GNA12: variants seen among roughly 807,000 people sequenced by gnomAD.
GNA12 encodes the protein guanine nucleotide-binding protein subunit alpha-12.
GNA12 carries 9 observed loss-of-function variants against 26.0 expected under a neutral mutation model. The ratio of observed to expected loss-of-function variants is 0.35; its 90% CI spans 0.21 to 0.60. The LOEUF is 0.60. Among genes scored for constraint, GNA12 ranks in the 20% least tolerant of loss-of-function variants. The pLI is 0.78. For missense variants in GNA12, 405 were observed against 525.8 expected (o/e 0.77, Z 2.25); for synonymous variants, 264 against 219.6 (o/e 1.20, Z -1.79).
chr7:2,786,491 T>C (rs1442277806), intron 2 of GNA12, among the ~76,000 whole-genome samples: 2 of 152,176 alleles, frequency 1.3e-5, no homozygotes, highest in Non-Finnish European at 2.9e-5. Context: ...CCAATGATTA[T>C]GAAAAGTTCG....
At chr7:2,823,521 C>G (rs1307585186) in intron 1 of GNA12, among the ~76,000 whole-genome samples, 1 of 152,116 alleles carries the variant, frequency 6.6e-6, no homozygotes, top group Non-Finnish European at 1.5e-5. Context: ...AATAATAACC[C>G]TCTGCAGATT....
rs1229832201 is a variant in GNA12 at position 2,842,090 on chromosome 7, AAAGGAAGGAAAGG to A, written c.309+1750_309+1762del. Among the ~76,000 whole-genome samples the A allele has an allele frequency of 2.9e-3, 392 of 132,934 alleles. 4 individuals are homozygous for A. The highest frequency in any genetic ancestry group is 0.011 in the African/African-American group (387 of 36,460). The allele number at this position is 132,934 out of a possible 152,430, so 87.2% of individuals were successfully genotyped here. A position where few individuals can be genotyped will look rare whatever the true frequency, so the allele number is the denominator to read the frequency against. On this transcript the variant is annotated intron_variant, in intron 1 of 3. Coordinates refer to ENST00000275364, the MANE Select transcript of GNA12 (RefSeq NM_007353.3). ...AAGGAAGAAAAGGAAGGCGGGAAGG[AAAGGAAGGAAAGG>A]AAGGAAGGGAAGGGAGGAAGAAAAG...
At position 2,737,278 on chromosome 7, in the gene GNA12, T is replaced by G. The variant is rs1238771573; in HGVS notation, c.526-3777A>C. Among the ~76,000 whole-genome samples the G allele has an allele frequency of 5.6e-5, 4 of 71,598 alleles. 1 individual carries two copies. The highest frequency in any genetic ancestry group is 4.4e-4 in the Admixed American group (3 of 6,744). 47.0% of individuals were successfully genotyped at this position (71,598 alleles called of 152,430 possible). A position where few individuals can be genotyped will look rare whatever the true frequency, so the allele number is the denominator to read the frequency against. On this transcript the variant is annotated intron_variant, in intron 2 of 3. Transcript: ENST00000275364. ...GCTATCTCACAGTTTTGTTTTGTTTTTTTTTTTTTTGTTTTTTTTTTTTTT... is the reference window on the plus strand; with the variant it reads ...GCTATCTCACAGTTTTGTTTTGTTTGTTTTTTTTTTGTTTTTTTTTTTTTT...
At chr7:2,764,737 C>A (rs184965773) in intron 2 of GNA12, 1 of 152,364 alleles carries the variant, frequency 6.6e-6, no homozygotes, top group East Asian at 1.9e-4. Flanking sequence ...CCAGTAGCTT[C>A]AGCCACAGCT....
intron 1 of GNA12, among the ~76,000 whole-genome samples, chr7:2,833,248 C>A (rs1778732994): frequency 6.6e-6 from 1 of 152,162 alleles, no homozygotes; most frequent in Non-Finnish European, 1.5e-5. Flanking sequence ...GCAAGTTAAG[C>A]CCTAGGTCCA....
At chr7:2,821,600 TG>T (rs567095376) in intron 1 of GNA12, among the ~76,000 whole-genome samples, 40 of 152,344 alleles carry the variant, frequency 2.6e-4, no homozygotes, top group Non-Finnish European at 4.9e-4. Context: ...CCAAACGGTG[TG>T]CCCTATGGAC....
chr7:2,768,807 T>C lies in GNA12; in HGVS notation c.525+26121A>G, dbSNP rs925075568. ...TCTACCTTTGTTTCTGTATTTAATA[T>C]GTGTATATTGTATGTGGAGAAATCT... On this transcript the variant is annotated intron_variant, in intron 2 of 3. Coordinates refer to ENST00000275364, the MANE Select transcript of GNA12 (RefSeq NM_007353.3). 5.9e-5 allele frequency among the ~76,000 whole-genome samples: 9 copies of C among 152,194 alleles called. No individual in the cohort carries two copies. In the East Asian group the frequency reaches 1.7e-3, roughly 29 times the overall value.
rs142148924 is a variant in GNA12 at position 2,832,952 on chromosome 7, C to A, written c.309+10901G>T. Among the ~76,000 whole-genome samples, 680 of 152,334 alleles carry A rather than the reference C, an allele frequency of 4.5e-3. 6 individuals are homozygous for A. Among genetic ancestry groups the A allele is most frequent in the African/African-American group, 0.016 (646 of 41,570 alleles). On this transcript the variant is annotated intron_variant, in intron 1 of 3. Coordinates refer to ENST00000275364, the MANE Select transcript of GNA12 (RefSeq NM_007353.3). The stretch of plus-strand genomic sequence containing the variant: ...CAACAGAATCAACCAGAAGCATGAG[C>A]TTCTCTAACGGCTAACACAGGATAC...
At chr7:2,836,191 C>T (rs1400382506) in intron 1 of GNA12, among the ~76,000 whole-genome samples, 2 of 152,164 alleles carry the variant, frequency 1.3e-5, no homozygotes, top group Admixed American at 1.3e-4. Context: ...GAAGTCCTCG[C>T]ACTATCTAAC....
intron 1 of GNA12, among the ~76,000 whole-genome samples, chr7:2,842,112 GAAGGGAGGAAGAAAAGAAAGGAAGGA>G (rs1455913117): frequency 2.4e-5 from 2 of 83,986 alleles, no homozygotes; most frequent in Non-Finnish European, 5.9e-5. Context: ...GGAAGGAAGG[GAAGGGAGGAAGAAAAGAAAGGAAGGA>G]AAGAAAAGAA....
In GNA12 at chr7:2,772,950, G is replaced by C. The variant is rs1791985663; in HGVS notation, c.525+21978C>G. Among the ~76,000 whole-genome samples the C allele has an allele frequency of 1.3e-5, 2 of 152,150 alleles. 1 individual carries two copies. Among genetic ancestry groups the C allele is most frequent in the South Asian group, 4.1e-4 (2 of 4,824 alleles). On this transcript the variant is annotated intron_variant, in intron 2 of 3. Coordinates refer to ENST00000275364, the MANE Select transcript of GNA12 (RefSeq NM_007353.3). ...TATTCATTTAATGGAAGGCTATAAA[G>C]AAAAAAGAAGAAAATACCAATCCAC...
intron 2 of GNA12, among the ~76,000 whole-genome samples, chr7:2,737,269 G>GTTCT (rs1790237066): frequency 2.6e-5 from 1 of 38,112 alleles, no homozygotes; most frequent in Non-Finnish European, 5.4e-5. Context: ...TCACAGTTTT[G>GTTCT]TTTTGTTTTT....
chr7:2,822,618 A>G (rs1280681597), intron 1 of GNA12, among the ~76,000 whole-genome samples: 1 of 152,200 alleles, frequency 6.6e-6, no homozygotes, highest in Non-Finnish European at 1.5e-5. Flanking sequence ...CAGGAGTTTG[A>G]GACCAGGCTG....
chr7:2,739,346 G>A (rs1348144848), intron 2 of GNA12, among the ~76,000 whole-genome samples: 2 of 152,164 alleles, frequency 1.3e-5, no homozygotes, highest in Non-Finnish European at 2.9e-5. Flanking sequence ...GGATTTGCCG[G>A]TTCTGGATCT....
At chr7:2,804,174 C>T (rs1792885586) in intron 1 of GNA12, among the ~76,000 whole-genome samples, 1 of 152,228 alleles carries the variant, frequency 6.6e-6, no homozygotes. Context: ...CACACACTAT[C>T]AACAGGTAAC....
chr7:2,844,297 A>G lies in GNA12; in HGVS notation c.-136T>C. 2 of 275,918 alleles carry G rather than the reference A, an allele frequency of 7.2e-6. No individual in the cohort carries two copies. The highest frequency in any genetic ancestry group is 1.1e-5 in the Non-Finnish European group (2 of 182,536). 17.1% of individuals were successfully genotyped at this position (275,918 alleles called of 1,614,324 possible). A position where few individuals can be genotyped will look rare whatever the true frequency, so the allele number is the denominator to read the frequency against. On this transcript the variant is annotated 5_prime_UTR_variant, in exon 1 of 4. Transcript: ENST00000275364. ...AGGCCGCGTCCGCCGCCGCCGCTGCAGTCGCTCCGAGGCCCGCACTCGTCG... is the reference window on the plus strand; with the variant it reads ...AGGCCGCGTCCGCCGCCGCCGCTGCGGTCGCTCCGAGGCCCGCACTCGTCG...
At chr7:2,783,965 G>T (rs1042691773) in intron 2 of GNA12, among the ~76,000 whole-genome samples, 1 of 151,992 alleles carries the variant, frequency 6.6e-6, no homozygotes, top group Admixed American at 6.6e-5. Flanking sequence ...GATTACAGGC[G>T]TAAGCCACCA....
intron 2 of GNA12, among the ~76,000 whole-genome samples, chr7:2,776,192 T>TC (rs1327446094): frequency 6.6e-6 from 1 of 152,162 alleles, no homozygotes; most frequent in African/African-American, 2.4e-5. Flanking sequence ...CATCTCAGCC[T>TC]CCCAAAGTGC....
chr7:2,772,467 G>A (rs1221823590), intron 2 of GNA12, among the ~76,000 whole-genome samples: 4 of 152,070 alleles, frequency 2.6e-5, no homozygotes, highest in Admixed American at 2.6e-4. Flanking sequence ...GGCTGAGGCA[G>A]GAGAATGGCG....
Sources: gnomAD v4.1 joint callset for allele counts (sites outside exome capture counted in the v4.1 genomes callset) on GRCh38, gnomAD v4.1.1 for gene constraint, MANE v1.5 for transcripts, NCBI Gene and HGNC (gene_info 2026-07-23, HGNC 2026-07-21) for gene names.